CDH23: variants seen among roughly 807,000 people sequenced by gnomAD.
The protein encoded by CDH23 is cadherin related 23, also known as cadherin-23.
CDH23 carries 189 observed loss-of-function variants against 317.1 expected under a neutral mutation model. The observed-to-expected ratio is 0.60, with a 90% CI of 0.53 to 0.67. The LOEUF is 0.67. Ranked by LOEUF, CDH23 falls within the 30% of genes least tolerant of loss-of-function variation. The probability of loss-of-function intolerance (pLI) is 0.00; values close to 1 mark genes in which losing one functional copy is unlikely to be tolerated. For synonymous variants in CDH23, 1,839 were observed against 1,876.8 expected (o/e 0.98, Z 0.52); for missense variants, 4,401 against 4,592.4 (o/e 0.96, Z 1.20).
intron 8 of CDH23, 56 bp downstream of exon 8, chr10:71,570,974 G>A (rs1857759592): frequency 1.9e-5 from 31 of 1,598,058 alleles, no homozygotes; most frequent in Non-Finnish European, 2.7e-5. Context: ...ACTTCCTTCT[G>A]AGCTCCTGTT....
chr10:71,661,467 G>C (rs993442541), intron 14 of CDH23, among the ~76,000 whole-genome samples: 1 of 152,152 alleles, frequency 6.6e-6, no homozygotes, highest in African/African-American at 2.4e-5. Flanking sequence ...CTGCAAAATG[G>C]GGAGGATGTT....
At chr10:71,732,519 C>T (rs745979749) in intron 32 of CDH23, 144 bp downstream of exon 32, 23 of 1,358,966 alleles carry the variant, frequency 1.7e-5, no homozygotes, top group Non-Finnish European at 2.3e-5. Flanking sequence ...GTAGTCCCAG[C>T]TGCTTGAGAG....
chr10:71,666,064 C>A (rs1863878423), intron 14 of CDH23, among the ~76,000 whole-genome samples: 1 of 152,168 alleles, frequency 6.6e-6, no homozygotes, highest in Admixed American at 6.5e-5. Context: ...CCCAAGTCCA[C>A]AATGGAACAA....
At chr10:71,425,704 A>C (rs1288942596) in intron 1 of CDH23, among the ~76,000 whole-genome samples, 1 of 152,244 alleles carries the variant, frequency 6.6e-6, no homozygotes, top group African/African-American at 2.4e-5. Flanking sequence ...TGAGAGGCCC[A>C]GACTCTGTTG....
intron 46 of CDH23, 122 bp from the exon 47 acceptor site, chr10:71,791,010 T>C: frequency 1.3e-6 from 1 of 755,266 alleles, no homozygotes; most frequent in Non-Finnish European, 2.2e-6. Flanking sequence ...CCTCTGCTCC[T>C]CTTTCATCTC....
At chr10:71,401,725 A>ATC (rs1847791330) in intron 1 of CDH23, among the ~76,000 whole-genome samples, 1 of 152,172 alleles carries the variant, frequency 6.6e-6, no homozygotes, top group Non-Finnish European at 1.5e-5. Context: ...GGCAAAACCC[A>ATC]TCTACGTGAT....
intron 38 of CDH23, among the ~76,000 whole-genome samples, chr10:71,772,365 C>T (rs555659352): frequency 6.6e-5 from 10 of 152,342 alleles, no homozygotes; most frequent in African/African-American, 1.9e-4. Flanking sequence ...TGCCTCCCTC[C>T]GAGTCCCTGC....
chr10:71,793,712 T>A, intron 48 of CDH23, 72 bp downstream of exon 48: 1 of 1,119,458 alleles, frequency 8.9e-7, no homozygotes, highest in Non-Finnish European at 1.2e-6. Flanking sequence ...TGCTTCCCCC[T>A]TCTTTCTCCT....
At chr10:71,660,755 G>A (rs1863614620) in intron 14 of CDH23, among the ~76,000 whole-genome samples, 1 of 152,148 alleles carries the variant, frequency 6.6e-6, no homozygotes, top group Non-Finnish European at 1.5e-5. Context: ...TGGCTGTTTA[G>A]TCTCTGCCAG....
At chr10:71,440,821 G>A (rs1403067496) in intron 2 of CDH23, among the ~76,000 whole-genome samples, 2 of 152,186 alleles carry the variant, frequency 1.3e-5, no homozygotes, top group Admixed American at 6.5e-5. Flanking sequence ...GAGAAGAGCC[G>A]TGGGCATGGT....
At chr10:71,499,150 C>T (rs1853138006) in intron 3 of CDH23, among the ~76,000 whole-genome samples, 1 of 152,052 alleles carries the variant, frequency 6.6e-6, no homozygotes, top group African/African-American at 2.4e-5. Flanking sequence ...AAGCCAGGCA[C>T]AGAAAGACAA....
chr10:71,460,281 G>A (rs937671042), intron 3 of CDH23, among the ~76,000 whole-genome samples: 1 of 152,224 alleles, frequency 6.6e-6, no homozygotes, highest in Non-Finnish European at 1.5e-5. Context: ...TTCATAACAC[G>A]GTGGACAGGG....
chr10:71,602,893 C>A (rs888774608), intron 9 of CDH23, among the ~76,000 whole-genome samples: 1 of 152,202 alleles, frequency 6.6e-6, no homozygotes, highest in Non-Finnish European at 1.5e-5. Flanking sequence ...TGTCCACAAG[C>A]CCCAAATGAT....
intron 6 of CDH23, among the ~76,000 whole-genome samples, chr10:71,540,226 T>A (rs1354047614): frequency 1.3e-5 from 2 of 152,196 alleles, no homozygotes; most frequent in East Asian, 3.9e-4. Flanking sequence ...ACAATCCTCC[T>A]GGGTCTGCAC....
At chr10:71,669,551 G>A (rs138594400) in intron 14 of CDH23, among the ~76,000 whole-genome samples, 15 of 151,816 alleles carry the variant, frequency 9.9e-5, no homozygotes, top group African/African-American at 3.4e-4. Context: ...GGGTTCAAGC[G>A]ATTCTCCAGC....
intron 20 of CDH23, among the ~76,000 whole-genome samples, chr10:71,692,512 T>A (rs1865223841): frequency 6.6e-6 from 1 of 152,220 alleles, no homozygotes; most frequent in African/African-American, 2.4e-5. Context: ...TAAAACTTTT[T>A]AGAGATTAAT....
intron 38 of CDH23, among the ~76,000 whole-genome samples, chr10:71,774,683 G>A (rs935460157): frequency 1.3e-5 from 2 of 152,258 alleles, no homozygotes; most frequent in African/African-American, 4.8e-5. Context: ...CAGGACCAGG[G>A]ATCACAGGAG....
chr10:71,403,326 C>CTTT (rs1847877800), intron 1 of CDH23, among the ~76,000 whole-genome samples: 44 of 60,774 alleles, frequency 7.2e-4, no homozygotes, highest in Non-Finnish European at 1.2e-3. Flanking sequence ...TTCCTTCCTT[C>CTTT]CTTTCTTTCT....
chr10:71,548,879 A>C (rs539198559), intron 6 of CDH23, among the ~76,000 whole-genome samples: 2 of 152,366 alleles, frequency 1.3e-5, no homozygotes, highest in African/African-American at 4.8e-5. Flanking sequence ...CTAGGCCTCT[A>C]TCTTGGTTCA....
Sources: allele counts gnomAD v4.1 joint callset (sites outside exome capture counted in the v4.1 genomes callset), GRCh38; gene constraint gnomAD v4.1.1; transcripts MANE v1.5; gene names NCBI Gene and HGNC (gene_info 2026-07-23, HGNC 2026-07-21).